RGS9: variants seen among roughly 807,000 people sequenced by gnomAD.
The protein encoded by RGS9 is regulator of G-protein signalling 9.
RGS9 carries 78 observed loss-of-function variants against 102.0 expected under a neutral mutation model. The ratio of observed to expected loss-of-function variants is 0.76; its 90% CI spans 0.64 to 0.92. The LOEUF (loss-of-function observed/expected upper bound fraction) is 0.92. Ranked by LOEUF, RGS9 falls within the 40% of genes least tolerant of loss-of-function variation. The pLI, the probability that RGS9 is intolerant of heterozygous loss-of-function variation, is 0.00. For missense variants in RGS9, 833 were observed against 866.1 expected (o/e 0.96, Z 0.48); for synonymous variants, 353 against 318.6 (o/e 1.11, Z -1.15).
At chr17:65,171,572 G>C (rs569777962) in intron 8 of RGS9, among the ~76,000 whole-genome samples, 2 of 152,346 alleles carry the variant, frequency 1.3e-5, no homozygotes, top group African/African-American at 4.8e-5. Context: ...AGACCTAATT[G>C]CAGAAGGGGC....
intron 17 of RGS9, among the ~76,000 whole-genome samples, chr17:65,220,310 G>A (rs146204337): frequency 1.7e-4 from 26 of 152,328 alleles, no homozygotes; most frequent in African/African-American, 4.1e-4. Flanking sequence ...TCCAGAGAAC[G>A]TTAGGATATA....
At chr17:65,138,961 A>ACCCCGGCATCCCCTCCTACATCCCAGCCT (rs1555610177) in intron 1 of RGS9, among the ~76,000 whole-genome samples, 1 of 70,428 alleles carries the variant, frequency 1.4e-5, no homozygotes, top group Non-Finnish European at 2.6e-5. Context: ...CTCCCCAGCC[A>ACCCCGGCATCCCCTCCTACATCCCAGCCT]CCCCTCCTCC....
In RGS9 at chr17:65,225,428, C is replaced by A. The variant is rs767753514; in HGVS notation, c.1834C>A (p.Gln612Lys). 5.0e-6 allele frequency: 8 copies of A among 1,609,468 alleles called. No homozygotes were observed. The Admixed American group carries it at 6.7e-5, about 13-fold the overall frequency. Reference sequence around the variant, plus strand: ...CCCTGCTGTGTCCCACGGGAGGGTGCAGCCCCTGGGGGACGTGGGCCAGCA... The same window carrying A: ...CCCTGCTGTGTCCCACGGGAGGGTGAAGCCCCTGGGGGACGTGGGCCAGCA... Reference protein sequence around the residue: ...KCPAVSHGRVQPLGDVGQQLP... With the variant: ...KCPAVSHGRVKPLGDVGQQLP... Residue 612 changes from glutamine (Q) to lysine (K), a missense_variant, in exon 18 of 19, where the codon CAG becomes AAG. By Grantham distance (53) the Gln-to-Lys change is moderately conservative. This residue lies in a region of RGS9 where 320 missense variants were observed against 276.8 expected (regional missense o/e 1.16). Transcript: ENST00000262406.
intron 8 of RGS9, among the ~76,000 whole-genome samples, chr17:65,172,194 A>C (rs1453814187): frequency 2.0e-5 from 3 of 152,174 alleles, no homozygotes; most frequent in African/African-American, 7.2e-5. Flanking sequence ...TCTGACATAC[A>C]ATGTGTTTTT....
chr17:65,182,393 G>A (rs1304680511), intron 9 of RGS9, among the ~76,000 whole-genome samples: 1 of 152,204 alleles, frequency 6.6e-6, no homozygotes, highest in Non-Finnish European at 1.5e-5. Flanking sequence ...TGCGTTAGAA[G>A]GTAGATGGCC....
rs1912959029 is a variant in RGS9 at position 65,204,190 on chromosome 17, C to A, written c.1092C>A (p.Arg364=). ...TGTTCCTGGCCCCGGGGGCGAGGCG[C>A]TGGATCAACATAGATGGCAAAACCA... ...YKLFLAPGAR[R]WINIDGKTMD... is the part of the protein sequence containing the mutation. Residue 364 remains arginine (R), a synonymous_variant, in exon 15 of 19, where the codon CGC becomes CGA. Coordinates refer to ENST00000262406, the MANE Select transcript of RGS9 (RefSeq NM_003835.4). 6.2e-7 allele frequency: 1 copy of A among 1,612,762 alleles called. No homozygotes were observed. The highest frequency in any genetic ancestry group is 2.2e-5 in the East Asian group (1 of 44,890).
In RGS9 at chr17:65,225,481, A is replaced by G. The variant is rs1268111204; in HGVS notation, c.1887A>G (p.Val629=). 6.2e-7 allele frequency: 1 copy of G among 1,602,038 alleles called. No individual in the cohort carries two copies. Among genetic ancestry groups the G allele is most frequent in the Non-Finnish European group, 8.5e-7 (1 of 1,179,978 alleles). ...TGCCACGATTGAAATCCAAGAGAGT[A>G]GCAAAGTAAGAACCCGAAGGGGACG... is the stretch of plus-strand genomic sequence containing the variant. ...QQLPRLKSKR[V]ANFFQIKMDV... Residue 629 remains valine, a synonymous_variant, in exon 18 of 19, where the codon GTA becomes GTG. Transcript: ENST00000262406.
chr17:65,196,200 A>G (rs1053244245), intron 12 of RGS9, among the ~76,000 whole-genome samples: 2 of 152,274 alleles, frequency 1.3e-5, no homozygotes, highest in Non-Finnish European at 2.9e-5. Flanking sequence ...TACCTCACAT[A>G]GGACAATGCT....
chr17:65,159,687 G>C (rs1296230817), intron 3 of RGS9, among the ~76,000 whole-genome samples: 4 of 152,184 alleles, frequency 2.6e-5, no homozygotes, highest in Non-Finnish European at 2.9e-5. Context: ...TGATAAACAA[G>C]GCTGTGCTTC....
rs560817879 is a variant in RGS9 at position 65,207,872 on chromosome 17, T to C, written c.1204-50T>C. On this transcript the variant is annotated intron_variant, in intron 15 of 18. Coordinates refer to ENST00000262406, the MANE Select transcript of RGS9 (RefSeq NM_003835.4). ...AAAATGGCAAGGGTATTGGTTTGAT[T>C]TGACTGCTTTTTTCTCTCATAATTA... The C allele has an allele frequency of 4.3e-6, 6 of 1,382,620 alleles. No homozygotes were observed. The East Asian group carries it at 7.0e-5, about 16-fold the overall frequency. The allele number at this position is 1,382,620 out of a possible 1,614,324, so 85.6% of individuals were successfully genotyped here. A position where few individuals can be genotyped will look rare whatever the true frequency, so the allele number is the denominator to read the frequency against.
chr17:65,221,384 A>G (rs75776731), intron 17 of RGS9, among the ~76,000 whole-genome samples: 4,390 of 152,322 alleles, frequency 0.029, 215 homozygotes, highest in African/African-American at 0.097. Flanking sequence ...ATAGAAGTTT[A>G]TCACAAATTC....
rs1039168846 is a variant in RGS9 at position 65,214,429 on chromosome 17, G to C, written c.1407+3824G>C. On this transcript the variant is annotated intron_variant, in intron 17 of 18. Transcript: ENST00000262406. ...GCAGTCGAGACTGGATGATGATCAA[G>C]GATGATGATTGTTGATTGAGACCAC... Among the ~76,000 whole-genome samples, 6 of 152,358 alleles carry C rather than the reference G, an allele frequency of 3.9e-5. No homozygotes were observed. In the East Asian group the frequency reaches 1.2e-3, roughly 29 times the overall value.
chr17:65,142,268 C>A (rs888925107), intron 1 of RGS9, among the ~76,000 whole-genome samples: 3 of 152,038 alleles, frequency 2.0e-5, no homozygotes, highest in Non-Finnish European at 2.9e-5. Flanking sequence ...AACCAAAAAC[C>A]AAAAACAAAC....
In RGS9 at chr17:65,207,965, T is replaced by C; in HGVS notation, c.1247T>C (p.Met416Thr). ...RYLKSPIYKDMLAKAIEPQET... is the reference protein window; with the variant it reads ...RYLKSPIYKDTLAKAIEPQET... ...TTAAAATCTCCGATCTATAAGGACA[T>C]GCTGGCCAAAGCTATTGAACCTCAG... Residue 416 changes from methionine (M) to threonine (T), a missense_variant, in exon 16 of 19, where the codon ATG (methionine) becomes ACG (threonine). Physicochemically the swap from Met to Thr is moderately conservative, Grantham distance 81. Coordinates refer to ENST00000262406, the MANE Select transcript of RGS9 (RefSeq NM_003835.4). The C allele has an allele frequency of 6.2e-7, 1 of 1,613,606 alleles. No individual in the cohort carries two copies. The highest frequency in any genetic ancestry group is 1.3e-5 in the African/African-American group (1 of 75,022).
chr17:65,227,284 G>T lies in RGS9; in HGVS notation c.1902G>T (p.Gln634His). 6.2e-7 allele frequency: 1 copy of T among 1,614,134 alleles called. No homozygotes were observed. Among genetic ancestry groups the T allele is most frequent in the South Asian group, 1.1e-5 (1 of 91,078 alleles). Residue 634 changes from glutamine (Q) to histidine (H), a missense_variant, in exon 19 of 19, where the codon CAG (glutamine) becomes CAT (histidine). Coordinates refer to ENST00000262406, the MANE Select transcript of RGS9 (RefSeq NM_003835.4). ...CCTCTTGCACCTGAAGCTTTTTCCA[G>T]ATCAAAATGGATGTGCCCACGGGGA... ...LKSKRVANFF[Q>H]IKMDVPTGSG...
intron 14 of RGS9, among the ~76,000 whole-genome samples, chr17:65,202,411 GT>G (rs1912887576): frequency 1.7e-5 from 2 of 120,556 alleles, no homozygotes; most frequent in African/African-American, 6.9e-5. Flanking sequence ...CCTGAGGGGT[GT>G]GTGTGTGTGT....
In RGS9 at chr17:65,176,967, T is replaced by C. The variant is rs377331617; in HGVS notation, c.583-765T>C. ...TACCACCCATTCATCCATCCATCCC[T>C]CCTTCCCTTCCTCCATCCATTCGTA... On this transcript the variant is annotated intron_variant, in intron 8 of 18. Coordinates refer to ENST00000262406, the MANE Select transcript of RGS9 (RefSeq NM_003835.4). 1.9e-4 allele frequency among the ~76,000 whole-genome samples: 28 copies of C among 150,374 alleles called. No individual in the cohort carries two copies. In the East Asian group the frequency reaches 5.6e-3, roughly 30 times the overall value.
In RGS9 at chr17:65,171,613, A is replaced by T. The variant is rs149637222; in HGVS notation, c.582+3332A>T. ...GAGAGGGTGATTGATTTAGAAAGGC[A>T]GGGAGAAATGTCTGATAGATGGTGT... is the stretch of plus-strand genomic sequence containing the variant. On this transcript the variant is annotated intron_variant, in intron 8 of 18. Coordinates refer to ENST00000262406, the MANE Select transcript of RGS9 (RefSeq NM_003835.4). Among the ~76,000 whole-genome samples, 814 of 152,356 alleles carry T rather than the reference A, an allele frequency of 5.3e-3. 10 individuals carry two copies. Among genetic ancestry groups the T allele is most frequent in the African/African-American group, 0.019 (779 of 41,584 alleles).
intron 12 of RGS9, among the ~76,000 whole-genome samples, chr17:65,194,167 A>C (rs2144073646): frequency 6.6e-6 from 1 of 152,330 alleles, no homozygotes; most frequent in Non-Finnish European, 1.5e-5. Flanking sequence ...GTCTTTTGCG[A>C]CGAGCTTTTT....
Sources: allele counts gnomAD v4.1 joint callset (sites outside exome capture counted in the v4.1 genomes callset), GRCh38; gene constraint gnomAD v4.1.1; regional missense constraint gnomAD v4.1.1; transcripts MANE v1.5; gene names NCBI Gene and HGNC (gene_info 2026-07-23, HGNC 2026-07-21).